Variants in SCNN1D observed in about 807,000 individuals in gnomAD.
SCNN1D encodes the protein sodium channel epithelial 1 subunit delta, also known as epithelial sodium channel subunit delta.
SCNN1D carries 104 observed loss-of-function variants against 87.8 expected under a neutral mutation model. The observed-to-expected ratio is 1.18, with a 90% CI of 1.01 to 1.39. The LOEUF is 1.39. Ranked by LOEUF, SCNN1D falls within the 40% of genes most tolerant of loss-of-function variation. The pLI, the probability that SCNN1D is intolerant of heterozygous loss-of-function variation, is 0.00. For synonymous variants in SCNN1D, 628 were observed against 481.2 expected, an observed-to-expected ratio of 1.31 and a Z score of -3.99; for missense variants, 1,324 against 1,093.9, an observed-to-expected ratio of 1.21 and a Z score of -2.97.
intron 4 of SCNN1D, among the ~76,000 whole-genome samples, chr1:1,283,286 G>A (rs960471132): frequency 2.0e-5 from 3 of 152,186 alleles, no homozygotes; most frequent in African/African-American, 7.2e-5. Context: ...GGCTGGTCCC[G>A]AGAGACACTG....
At chr1:1,285,378 A>T (rs1210683804) in intron 5 of SCNN1D, among the ~76,000 whole-genome samples, 193 bp from the exon 6 acceptor site, 1 of 152,146 alleles carries the variant, frequency 6.6e-6, no homozygotes, top group Non-Finnish European at 1.5e-5. Flanking sequence ...ACCCCGAGCC[A>T]CAGTGCCGAG....
chr1:1,288,086 C>CAGGGGGTG, intron 12 of SCNN1D, 49 bp downstream of exon 12: 1 of 999,664 alleles, frequency 1.0e-6, no homozygotes, highest in Non-Finnish European at 1.3e-6. Context: ...GCTGGGCTGG[C>CAGGGGGTG]CAGGGGGTGT....
Position 1,287,515 on chromosome 1 carries a change from C to T in SCNN1D, c.1318C>T (p.Arg440Trp), listed in dbSNP as rs139207492. The T allele has an allele frequency of 3.2e-4, 494 of 1,528,178 alleles. 1 individual carries two copies. Among genetic ancestry groups the T allele is most frequent in the African/African-American group, 2.3e-3 (165 of 72,622 alleles). 94.7% of individuals were successfully genotyped at this position (1,528,178 alleles called of 1,614,324 possible). Residue 440 changes from arginine to tryptophan, a missense_variant, in exon 10 of 18, where the codon CGG becomes TGG. Arg to Trp is a moderately radical substitution (Grantham distance 101). Coordinates refer to ENST00000379116, the MANE Select transcript of SCNN1D (RefSeq NM_001130413.4). Reference sequence around the variant, plus strand: ...CTTGGCTTCTCATTCCAGACAGTTCCGGACCTTCCACCACCCCACCTACGG... The same window carrying T: ...CTTGGCTTCTCATTCCAGACAGTTCTGGACCTTCCACCACCCCACCTACGG... ...DGLDCQARQF[R>W]TFHHPTYGSC... is the part of the protein sequence containing the mutation.
chr1:1,283,936 C>G (rs1640518826), intron 4 of SCNN1D, 42 bp from the exon 5 acceptor site: 7 of 1,243,370 alleles, frequency 5.6e-6, no homozygotes, highest in Non-Finnish European at 6.5e-6. Context: ...TCCTCCCTCG[C>G]CTGCAGCACA....
At chr1:1,287,461 G>A in intron 9 of SCNN1D, 47 bp from the exon 10 acceptor site, 2 of 1,504,312 alleles carry the variant, frequency 1.3e-6, no homozygotes, top group Non-Finnish European at 1.8e-6. Context: ...AGCGTGACGG[G>A]CGCGGGCAGC....
At position 1,287,581 on chromosome 1, in the gene SCNN1D, C is replaced by T. The variant is rs561671472; in HGVS notation, c.1384C>T (p.Pro462Ser). 2.1e-5 allele frequency: 33 copies of T among 1,594,778 alleles called. No individual in the cohort carries two copies. The South Asian group carries it at 3.2e-4, about 15-fold the overall frequency. Residue 462 changes from proline (P) to serine (S), a missense_variant, in exon 10 of 18, where the codon CCC becomes TCC. Pro to Ser is a moderately conservative substitution (Grantham distance 74). Transcript: ENST00000379116. ...TVDGVWTAQR[P>S]GITHGVGLVL... ...CGATGGCGTCTGGACAGCTCAGCGCCCCGGCATCACCCACGGTGGGTGCCA... is the reference window on the plus strand; with the variant it reads ...CGATGGCGTCTGGACAGCTCAGCGCTCCGGCATCACCCACGGTGGGTGCCA...
At position 1,284,081 on chromosome 1, in the gene SCNN1D, T is replaced by A; in HGVS notation, c.455T>A (p.Leu152His). 1 of 905,744 alleles carries A rather than the reference T, an allele frequency of 1.1e-6. No individual in the cohort carries two copies. Among genetic ancestry groups the A allele is most frequent in the Non-Finnish European group, 1.3e-6 (1 of 751,686 alleles). 56.1% of individuals were successfully genotyped at this position (905,744 alleles called of 1,614,324 possible). A position where few individuals can be genotyped will look rare whatever the true frequency, so the allele number is the denominator to read the frequency against. Residue 152 changes from leucine to histidine, a missense_variant, in exon 5 of 18, where the codon CTC becomes CAC. By Grantham distance (99) the Leu-to-His change is moderately conservative (BLOSUM62 -3). Transcript: ENST00000379116. Reference protein sequence around the residue: ...GEWKQPHGGALTSRSPGPVAP... With the variant: ...GEWKQPHGGAHTSRSPGPVAP... ...TGGAAGCAGCCACACGGGGGGGCTC[T>A]CACCTCCAGGTACCGTGGGGGGGGG...
intron 3 of SCNN1D, 160 bp from the exon 4 acceptor site, chr1:1,282,082 C>A: frequency 1.6e-6 from 1 of 621,968 alleles, no homozygotes; most frequent in Admixed American, 2.8e-5. Context: ...GTCCGGGGGC[C>A]CTGCCGCTGA....
At position 1,290,401 on chromosome 1, in the gene SCNN1D, C is replaced by T. The variant is rs529250968; in HGVS notation, c.1780+13C>T. ...CACCCTGCCTGGGGTGAGTCCTGCT[C>T]GCTGCCTCCCACTCTGTCAGCCATT... On this transcript the variant is annotated intron_variant, in intron 13 of 17. Coordinates refer to ENST00000379116, the MANE Select transcript of SCNN1D (RefSeq NM_001130413.4). The T allele has an allele frequency of 2.2e-5, 36 of 1,607,270 alleles. No homozygotes were observed. Among genetic ancestry groups the T allele is most frequent in the East Asian group, 1.8e-4 (8 of 44,804 alleles).
At chr1:1,291,211 C>CG (rs1557588223) in intron 17 of SCNN1D, 43 bp from the exon 18 acceptor site, 1 of 1,576,378 alleles carries the variant, frequency 6.3e-7, no homozygotes, top group African/African-American at 1.3e-5. Flanking sequence ...AGAAGGGGCA[C>CG]GGGGGCCTGG....
At chr1:1,288,612 T>A (rs866714792) in intron 12 of SCNN1D, among the ~76,000 whole-genome samples, 36 of 79,280 alleles carry the variant, frequency 4.5e-4, no homozygotes, top group African/African-American at 1.6e-3. Context: ...CCGTCCCCCG[T>A]GTCTCTGCTC....
chr1:1,284,504 T>C (rs532154422), intron 5 of SCNN1D, among the ~76,000 whole-genome samples: 45 of 150,074 alleles, frequency 3.0e-4, no homozygotes, highest in Non-Finnish European at 5.6e-4. Flanking sequence ...GGGTACATAG[T>C]GTGTGCTGGA....
In SCNN1D at chr1:1,287,733, C is replaced by T; in HGVS notation, c.1460C>T (p.Ala487Val). 1 of 1,608,518 alleles carries T rather than the reference C, an allele frequency of 6.2e-7. No homozygotes were observed. Among genetic ancestry groups the T allele is most frequent in the African/African-American group, 1.3e-5 (1 of 74,938 alleles). ...CACCTCCCTCTGCTGTCCACGCTGGCCGGCATCAGGGTCATGGTTCACGGC... is the reference window on the plus strand; with the variant it reads ...CACCTCCCTCTGCTGTCCACGCTGGTCGGCATCAGGGTCATGGTTCACGGC... ...QPHLPLLSTL[A>V]GIRVMVHGRN... Residue 487 changes from alanine to valine, a missense_variant, in exon 11 of 18, where the codon GCC becomes GTC. Transcript: ENST00000379116.
chr1:1,282,268 C>G lies in SCNN1D; in HGVS notation c.304C>G (p.Leu102Val). 1 of 1,548,672 alleles carries G rather than the reference C, an allele frequency of 6.5e-7. No individual in the cohort carries two copies. Among genetic ancestry groups the G allele is most frequent in the Non-Finnish European group, 8.7e-7 (1 of 1,145,434 alleles). Residue 102 changes from leucine to valine, a missense_variant, in exon 4 of 18, where the codon CTC becomes GTC. Coordinates refer to ENST00000379116, the MANE Select transcript of SCNN1D (RefSeq NM_001130413.4). ...TGLGDSSMAF[L>V]SRTSPVAAAS... Reference sequence around the variant, plus strand: ...CCTGGGTGACTCCAGCATGGCTTTCCTCTCCAGGACGTCACCGGTGGCAGC... The same window carrying G: ...CCTGGGTGACTCCAGCATGGCTTTCGTCTCCAGGACGTCACCGGTGGCAGC...
intron 2 of SCNN1D, 26 bp from the exon 3 acceptor site, chr1:1,281,385 G>GCCTGCC (rs1279420280): frequency 9.8e-6 from 15 of 1,528,602 alleles, no homozygotes; most frequent in Non-Finnish European, 1.2e-5. Context: ...AGCCAGGGAT[G>GCCTGCC]CCTGCCCGTC....
At chr1:1,282,597 G>A (rs1218902643) in intron 4 of SCNN1D, among the ~76,000 whole-genome samples, 4 of 152,212 alleles carry the variant, frequency 2.6e-5, no homozygotes, top group Non-Finnish European at 4.4e-5. Context: ...CAGCCTGGGA[G>A]ACTGTGATTT....
rs973371245 is a variant in SCNN1D at position 1,284,435 on chromosome 1, C to T, written c.464+345C>T. ...CATCAGGAACAGGATTGCATGGTGGCAATGGGGCAGGTCATCCCTGAGTGC... is the reference window on the plus strand; with the variant it reads ...CATCAGGAACAGGATTGCATGGTGGTAATGGGGCAGGTCATCCCTGAGTGC... On this transcript the variant is annotated intron_variant, in intron 5 of 17. Transcript: ENST00000379116. 3.3e-5 allele frequency among the ~76,000 whole-genome samples: 5 copies of T among 151,592 alleles called. No homozygotes were observed. The South Asian group carries it at 8.3e-4, about 25-fold the overall frequency.
chr1:1,282,864 T>C (rs1224957959), intron 4 of SCNN1D, among the ~76,000 whole-genome samples: 1 of 152,002 alleles, frequency 6.6e-6, no homozygotes, highest in Non-Finnish European at 1.5e-5. Context: ...ACCATTCTCC[T>C]GCCTCAGCCT....
intron 3 of SCNN1D, chr1:1,281,956 T>C (rs1570600557): frequency 1.8e-6 from 1 of 570,020 alleles, no homozygotes; most frequent in Non-Finnish European, 3.2e-6. Context: ...CCTAGGACCT[T>C]GTCCCCGCCT....
Sources: allele counts gnomAD v4.1 joint callset (sites outside exome capture counted in the v4.1 genomes callset), GRCh38; gene constraint gnomAD v4.1.1; transcripts MANE v1.5; gene names NCBI Gene and HGNC (gene_info 2026-07-23, HGNC 2026-07-21).